The following METTL4 variants were observed in gnomAD, a reference collection of about 807,000 sequenced individuals.
The protein encoded by METTL4 is N(6)-adenine-specific methyltransferase METTL4.
A neutral mutation model predicts 54.0 loss-of-function variants in METTL4; 40 were observed. The observed-to-expected ratio is 0.74, with a 90% CI of 0.58 to 0.96. The LOEUF (loss-of-function observed/expected upper bound fraction) is 0.96. Among genes scored for constraint, METTL4 ranks in the 50% least tolerant of loss-of-function variants. The pLI is 0.00. For synonymous variants in METTL4, 169 were observed against 183.8 expected (o/e 0.92, Z 0.65); for missense variants, 525 against 549.0 (o/e 0.96, Z 0.44).
At chr18:2,542,424 C>T (rs1460513406) in intron 8 of METTL4, among the ~76,000 whole-genome samples, 2 of 147,062 alleles carry the variant, frequency 1.4e-5, no homozygotes, top group Non-Finnish European at 3.0e-5. Flanking sequence ...ATTTTAAAAC[C>T]TGTCTCCTGA....
intron 2 of METTL4, among the ~76,000 whole-genome samples, chr18:2,565,972 G>A (rs959016626): frequency 4.0e-5 from 6 of 151,168 alleles, no homozygotes; most frequent in Admixed American, 6.6e-5. Context: ...GCGTGAACCC[G>A]GGAGGCGGAG....
At position 2,570,822 on chromosome 18, in the gene METTL4, G is replaced by A. The variant is rs568765146; in HGVS notation, c.-439+327C>T. Among the ~76,000 whole-genome samples the A allele has an allele frequency of 9.9e-5, 15 of 152,276 alleles. 1 individual carries two copies. In the South Asian group the frequency reaches 2.3e-3, roughly 23 times the overall value. Reference sequence around the variant, plus strand: ...GTATCCAGACTTCCTGGAGCTGTGAGATCTTTCATCACCACCACTCTCCAG... The same window carrying A: ...GTATCCAGACTTCCTGGAGCTGTGAAATCTTTCATCACCACCACTCTCCAG... On this transcript the variant is annotated intron_variant, in intron 1 of 8. Transcript: ENST00000574538.
In METTL4 at chr18:2,538,020, T is replaced by G. The variant is rs999722600; in HGVS notation, c.*980A>C. On this transcript the variant is annotated 3_prime_UTR_variant, in exon 9 of 9. Coordinates refer to ENST00000574538, the MANE Select transcript of METTL4 (RefSeq NM_022840.5). ...ACAACTGTATATATGTTTTCAAAATTCACTGAATTTGACACTGAAAATTGG... is the reference window on the plus strand; with the variant it reads ...ACAACTGTATATATGTTTTCAAAATGCACTGAATTTGACACTGAAAATTGG... 2.8e-5 allele frequency: 11 copies of G among 398,216 alleles called. No individual in the cohort carries two copies. Among genetic ancestry groups the G allele is most frequent in the Non-Finnish European group, 4.9e-5 (11 of 225,884 alleles). The allele number at this position is 398,216 out of a possible 1,614,324, so 24.7% of individuals were successfully genotyped here.
intron 2 of METTL4, among the ~76,000 whole-genome samples, chr18:2,564,760 T>C (rs1257254372): frequency 1.3e-5 from 2 of 152,250 alleles, no homozygotes; most frequent in Non-Finnish European, 1.5e-5. Context: ...AGATTACATT[T>C]ATTACATAGG....
At chr18:2,563,649 T>A in intron 3 of METTL4, 148 bp downstream of exon 3, 9 of 368,118 alleles carry the variant, frequency 2.4e-5, no homozygotes, top group East Asian at 1.1e-4. Flanking sequence ...TGTGCATTAC[T>A]ATAAAATTAA....
Position 2,559,009 on chromosome 18 carries a change from G to A in METTL4, c.460-3971C>T, listed in dbSNP as rs1381129411. ...GGAGAAACTGGAGCCCTTGGGTATT[G>A]CTGGTAGGAATGTAAAATGATAGAA... On this transcript the variant is annotated intron_variant, in intron 3 of 8. Coordinates refer to ENST00000574538, the MANE Select transcript of METTL4 (RefSeq NM_022840.5). 2.0e-5 allele frequency among the ~76,000 whole-genome samples: 3 copies of A among 152,196 alleles called. No individual in the cohort carries two copies. In the South Asian group the frequency reaches 6.2e-4, roughly 32 times the overall value.
Position 2,539,085 on chromosome 18 carries a change from A to T in METTL4, c.1334T>A (p.Leu445Ter), listed in dbSNP as rs773836329. ...GCCCCAACTAGTCCAACCTGGCTGT[A>T]AATTTCGAGCAAACAACTCCAAATA... ...GEYLELFARN[L>*]QPGWTSWGNE... The change falls in exon 9 of 9, where the codon TTA (leucine) becomes TAA (stop). Residue 445 changes from leucine (L) to a stop codon, truncating the protein, a stop_gained. Coordinates refer to ENST00000574538, the MANE Select transcript of METTL4 (RefSeq NM_022840.5). LOFTEE classifies it high-confidence loss of function. 6.2e-7 allele frequency: 1 copy of T among 1,614,022 alleles called. No individual in the cohort carries two copies. Among genetic ancestry groups the T allele is most frequent in the Non-Finnish European group, 8.5e-7 (1 of 1,179,900 alleles).
chr18:2,549,921 G>C (rs376528438), intron 5 of METTL4, among the ~76,000 whole-genome samples: 1 of 151,362 alleles, frequency 6.6e-6, no homozygotes, highest in East Asian at 1.9e-4. Context: ...CTGAACCCAG[G>C]AGGTGAAGGT....
At chr18:2,549,500 T>A (rs924307614) in intron 5 of METTL4, among the ~76,000 whole-genome samples, 1 of 152,132 alleles carries the variant, frequency 6.6e-6, no homozygotes, top group Non-Finnish European at 1.5e-5. Context: ...ACAACTAAGC[T>A]AAGGACTTGT....
Position 2,567,277 on chromosome 18 carries a change from A to T in METTL4, c.-61T>A. On this transcript the variant is annotated 5_prime_UTR_variant, in exon 2 of 9. Transcript: ENST00000574538. ...CTAGAATGAAAATCCAACTTTCCAGATCAGCTTCTTAAATATCTTGTATTT... is the reference window on the plus strand; with the variant it reads ...CTAGAATGAAAATCCAACTTTCCAGTTCAGCTTCTTAAATATCTTGTATTT... 6.9e-7 allele frequency: 1 copy of T among 1,445,924 alleles called. No individual in the cohort carries two copies. The highest frequency in any genetic ancestry group is 1.4e-5 in the African/African-American group (1 of 70,380). The allele number at this position is 1,445,924 out of a possible 1,614,324, so 89.6% of individuals were successfully genotyped here. A position where few individuals can be genotyped will look rare whatever the true frequency, so the allele number is the denominator to read the frequency against.
chr18:2,544,856 A>G lies in METTL4; in HGVS notation c.1075-97T>C, dbSNP rs113517390. ...GAAATTAAACCTCCAGGCTAGTGAT[A>G]TTCAGTAAAAATACTATGTGAGCCA... is the stretch of plus-strand genomic sequence containing the variant. On this transcript the variant is annotated intron_variant, in intron 6 of 8. Transcript: ENST00000574538. The G allele has an allele frequency of 1.3e-5, 9 of 708,428 alleles. No individual in the cohort carries two copies. In the African/African-American group the frequency reaches 1.7e-4, roughly 13 times the overall value. The allele number at this position is 708,428 out of a possible 1,614,324, so 43.9% of individuals were successfully genotyped here. A position where few individuals can be genotyped will look rare whatever the true frequency, so the allele number is the denominator to read the frequency against.
intron 4 of METTL4, chr18:2,554,403 T>A: frequency 2.8e-6 from 1 of 361,928 alleles, no homozygotes; most frequent in Non-Finnish European, 4.9e-6. Flanking sequence ...TAAACACAAC[T>A]GCATACCGAA....
At position 2,538,865 on chromosome 18, in the gene METTL4, T is replaced by C; in HGVS notation, c.*135A>G. 2 of 840,374 alleles carry C rather than the reference T, an allele frequency of 2.4e-6. No homozygotes were observed. Among genetic ancestry groups the C allele is most frequent in the Non-Finnish European group, 3.7e-6 (2 of 543,926 alleles). 52.1% of individuals were successfully genotyped at this position (840,374 alleles called of 1,614,324 possible). A position where few individuals can be genotyped will look rare whatever the true frequency, so the allele number is the denominator to read the frequency against. On this transcript the variant is annotated 3_prime_UTR_variant, in exon 9 of 9. Coordinates refer to ENST00000574538, the MANE Select transcript of METTL4 (RefSeq NM_022840.5). ...TTACATGAAGGCTAGTCACTTCTGG[T>C]CCCTTACTGAAAAAAACAAGTCCTG...
At chr18:2,569,914 G>A (rs1173086975) in intron 1 of METTL4, among the ~76,000 whole-genome samples, 1 of 152,144 alleles carries the variant, frequency 6.6e-6, no homozygotes, top group Non-Finnish European at 1.5e-5. Flanking sequence ...AATTAATAGT[G>A]GGTCCTCAGC....
intron 3 of METTL4, among the ~76,000 whole-genome samples, chr18:2,558,153 A>G (rs2072265403): frequency 6.6e-6 from 1 of 152,216 alleles, no homozygotes. Flanking sequence ...AAGAATATGT[A>G]TAGACAATAC....
rs2071947164 is a variant in METTL4, at chr18:2,538,785, A to G, written c.*215T>C. 1.9e-6 allele frequency: 1 copy of G among 527,318 alleles called. No homozygotes were observed. Among genetic ancestry groups the G allele is most frequent in the East Asian group, 3.0e-5 (1 of 33,340 alleles). The allele number at this position is 527,318 out of a possible 1,614,324, so 32.7% of individuals were successfully genotyped here. On this transcript the variant is annotated 3_prime_UTR_variant, in exon 9 of 9. Transcript: ENST00000574538. ...TATAACTGCTTACCACTTAATTTGT[A>G]TAGTCTAGAATAACATAGAATGTTA...
At chr18:2,544,847 G>T in intron 6 of METTL4, 88 bp from the exon 7 acceptor site, 1 of 768,894 alleles carries the variant, frequency 1.3e-6, no homozygotes, top group Non-Finnish European at 2.1e-6. Context: ...AAACCTCCAG[G>T]CTAGTGATAT....
At chr18:2,564,658 C>G (rs1277020500) in intron 2 of METTL4, among the ~76,000 whole-genome samples, 1 of 152,134 alleles carries the variant, frequency 6.6e-6, no homozygotes, top group Non-Finnish European at 1.5e-5. Context: ...GTGTCAAACT[C>G]TTAGCATGCT....
At chr18:2,545,647 T>C (rs1304371219) in intron 6 of METTL4, among the ~76,000 whole-genome samples, 2 of 152,148 alleles carry the variant, frequency 1.3e-5, no homozygotes, top group Non-Finnish European at 2.9e-5. Flanking sequence ...AGAATACTGA[T>C]ATCTGTGAAA....
Sources: gnomAD v4.1 joint callset for allele counts (sites outside exome capture counted in the v4.1 genomes callset) on GRCh38, gnomAD v4.1.1 for gene constraint, MANE v1.5 for transcripts, NCBI Gene and HGNC (gene_info 2026-07-23, HGNC 2026-07-21) for gene names.